GPC5: variants seen among roughly 807,000 people sequenced by gnomAD.
The protein encoded by GPC5 is glypican 5.
In GPC5, 47 loss-of-function variants were observed where a neutral mutation model predicts 53.9. That is an observed-to-expected ratio of 0.87 (90% CI 0.69 to 1.11). The LOEUF (loss-of-function observed/expected upper bound fraction) is 1.11. Among genes scored for constraint, GPC5 ranks in the 50% most tolerant of loss-of-function variants. The pLI is 0.00. For missense variants in GPC5, 748 were observed against 713.1 expected (o/e 1.05, Z -0.56); for synonymous variants, 286 against 263.3 (o/e 1.09, Z -0.84).
intron 7 of GPC5, among the ~76,000 whole-genome samples, chr13:92,465,718 T>C (rs1375804606): frequency 6.6e-6 from 1 of 152,056 alleles, no homozygotes; most frequent in Non-Finnish European, 1.5e-5. Flanking sequence ...CATTTCAGCA[T>C]TTGAACAACA....
chr13:92,073,991 A>G (rs2041233626), intron 6 of GPC5, among the ~76,000 whole-genome samples: 1 of 152,174 alleles, frequency 6.6e-6, no homozygotes, highest in African/African-American at 2.4e-5. Flanking sequence ...TCATGTGAAG[A>G]AACATGTGTT....
At chr13:91,871,521 G>T (rs1294985135) in intron 5 of GPC5, among the ~76,000 whole-genome samples, 1 of 151,808 alleles carries the variant, frequency 6.6e-6, no homozygotes, top group Non-Finnish European at 1.5e-5. Context: ...TAAAAAAAGA[G>T]GAATATATAG....
chr13:92,783,456 T>C (rs1876102909), intron 7 of GPC5, among the ~76,000 whole-genome samples: 1 of 152,206 alleles, frequency 6.6e-6, no homozygotes, highest in Non-Finnish European at 1.5e-5. Context: ...TTCACTAGTC[T>C]GGAAATCCCC....
At chr13:92,800,306 C>G (rs919086644) in intron 7 of GPC5, among the ~76,000 whole-genome samples, 8 of 151,776 alleles carry the variant, frequency 5.3e-5, no homozygotes, top group Non-Finnish European at 7.4e-5. Flanking sequence ...GCTACATGGC[C>G]TCTCCCCTTC....
At chr13:92,200,974 G>GAC (rs66619017) in intron 7 of GPC5, among the ~76,000 whole-genome samples, 5,551 of 146,950 alleles carry the variant, frequency 0.038, 121 homozygotes, top group Admixed American at 0.059. Context: ...CAGGCACTCA[G>GAC]ACACACACAC....
intron 5 of GPC5, among the ~76,000 whole-genome samples, chr13:91,852,782 A>C (rs537394234): frequency 5.5e-4 from 84 of 152,266 alleles, no homozygotes; most frequent in Admixed American, 2.7e-3. Context: ...TATAACTTTA[A>C]GGGACCCACT....
chr13:92,144,990 G>C lies in GPC5; in HGVS notation c.1561+1G>C. 6.9e-7 allele frequency: 1 copy of C among 1,451,322 alleles called. No individual in the cohort carries two copies. Among genetic ancestry groups the C allele is most frequent in the Non-Finnish European group, 9.1e-7 (1 of 1,100,812 alleles). The allele number at this position is 1,451,322 out of a possible 1,614,324, so 89.9% of individuals were successfully genotyped here. On this transcript the variant is annotated splice_donor_variant, in intron 7 of 7. Coordinates refer to ENST00000377067, the MANE Select transcript of GPC5 (RefSeq NM_004466.6). LOFTEE classifies it high-confidence loss of function. ...AAGAGGACACTGAAGATCACAGACT[G>C]TAAGTGTATGATTCTAACACCACTT...
intron 7 of GPC5, among the ~76,000 whole-genome samples, chr13:92,865,530 G>T (rs542100662): frequency 3.3e-5 from 5 of 152,194 alleles, no homozygotes; most frequent in South Asian, 2.1e-4. Flanking sequence ...GATGGTGGTT[G>T]GAGGGTACAA....
chr13:92,816,889 C>G (rs1462120200), intron 7 of GPC5, among the ~76,000 whole-genome samples: 1 of 151,840 alleles, frequency 6.6e-6, no homozygotes, highest in Admixed American at 6.6e-5. Context: ...GATAATTGAC[C>G]CTGTCTCTAT....
At chr13:92,472,980 C>T (rs1457102016) in intron 7 of GPC5, among the ~76,000 whole-genome samples, 1 of 151,944 alleles carries the variant, frequency 6.6e-6, no homozygotes, top group Non-Finnish European at 1.5e-5. Context: ...TGTTTGGTAT[C>T]TAATGAAAAA....
At chr13:92,770,661 T>A (rs1386487051) in intron 7 of GPC5, among the ~76,000 whole-genome samples, 1 of 152,198 alleles carries the variant, frequency 6.6e-6, no homozygotes, top group Non-Finnish European at 1.5e-5. Flanking sequence ...AACATCTTTG[T>A]CATCTTGTTG....
At chr13:92,654,094 A>G (rs1259079741) in intron 7 of GPC5, among the ~76,000 whole-genome samples, 1 of 152,208 alleles carries the variant, frequency 6.6e-6, no homozygotes, top group African/African-American at 2.4e-5. Flanking sequence ...CATTCACAAT[A>G]CTTTTGCTAT....
At chr13:92,419,382 T>A (rs1423776342) in intron 7 of GPC5, among the ~76,000 whole-genome samples, 1 of 152,204 alleles carries the variant, frequency 6.6e-6, no homozygotes, top group Non-Finnish European at 1.5e-5. Context: ...TAAATGGTGC[T>A]TTCTTGCTGG....
intron 5 of GPC5, among the ~76,000 whole-genome samples, chr13:91,790,717 A>G (rs1334888024): frequency 6.6e-6 from 1 of 152,230 alleles, no homozygotes; most frequent in Non-Finnish European, 1.5e-5. Context: ...CAACCTAAAT[A>G]TTTAATGTGT....
intron 2 of GPC5, among the ~76,000 whole-genome samples, chr13:91,554,553 A>G (rs1265648118): frequency 1.3e-5 from 2 of 152,094 alleles, no homozygotes; most frequent in Admixed American, 6.6e-5. Context: ...AGGTAGGACA[A>G]ACGAATCCAC....
At chr13:92,495,472 T>TC (rs1879937127) in intron 7 of GPC5, among the ~76,000 whole-genome samples, 1 of 152,176 alleles carries the variant, frequency 6.6e-6, no homozygotes, top group African/African-American at 2.4e-5. Context: ...GAAAATATTT[T>TC]AATTTTATTC....
intron 5 of GPC5, among the ~76,000 whole-genome samples, chr13:91,830,137 C>T (rs548866943): frequency 2.6e-5 from 4 of 152,146 alleles, no homozygotes; most frequent in East Asian, 3.9e-4. Flanking sequence ...AAGACAGCCA[C>T]GCCCAGGGGG....
intron 7 of GPC5, chr13:92,448,833 T>A (rs1434680012): frequency 7.1e-6 from 1 of 140,480 alleles, no homozygotes; most frequent in Non-Finnish European, 1.6e-5. Flanking sequence ...GTCTTTGTTA[T>A]GGAACTTTGA....
At chr13:92,512,524 C>CAAATATATGAACAT (rs1555339453) in intron 7 of GPC5, among the ~76,000 whole-genome samples, 1 of 7,974 alleles carries the variant, frequency 1.3e-4, no homozygotes, top group Admixed American at 1.6e-3. Context: ...AATGCTTCAT[C>CAAATATATGAACAT]TGTAGGCTTT....
Sources: allele counts gnomAD v4.1 joint callset (sites outside exome capture counted in the v4.1 genomes callset), GRCh38; gene constraint gnomAD v4.1.1; transcripts MANE v1.5; gene names NCBI Gene and HGNC (gene_info 2026-07-23, HGNC 2026-07-21).